The following CBFA2T3 variants were observed in gnomAD, a reference collection of about 807,000 sequenced individuals.
The protein encoded by CBFA2T3 is CBFA2/RUNX1 partner transcriptional co-repressor 3.
A neutral mutation model predicts 58.6 loss-of-function variants in CBFA2T3; 31 were observed. The observed-to-expected ratio is 0.53, with a 90% CI of 0.40 to 0.71. The LOEUF is 0.71. Among genes scored for constraint, CBFA2T3 ranks in the 30% least tolerant of loss-of-function variants. The pLI is 0.00. For missense variants in CBFA2T3, 1,076 were observed against 963.1 expected (o/e 1.12, Z -1.55); for synonymous variants, 531 against 421.9 (o/e 1.26, Z -3.17).
intron 1 of CBFA2T3, among the ~76,000 whole-genome samples, chr16:88,927,264 C>T (rs918407887): frequency 6.6e-6 from 1 of 152,192 alleles, no homozygotes; most frequent in African/African-American, 2.4e-5. Context: ...CGTGACAAGC[C>T]GGGTCCCGCC....
At chr16:88,888,741 C>T (rs74035883) in intron 5 of CBFA2T3, among the ~76,000 whole-genome samples, 6,533 of 151,682 alleles carry the variant, frequency 0.043, 441 homozygotes, top group African/African-American at 0.15. Flanking sequence ...TCCTCCTGGC[C>T]TCCCCCTAGA....
At chr16:88,900,064 C>G (rs1970040043) in intron 2 of CBFA2T3, among the ~76,000 whole-genome samples, 1 of 152,246 alleles carries the variant, frequency 6.6e-6, no homozygotes, top group South Asian at 2.1e-4. Context: ...AAACCGTGGC[C>G]AGCTCCGCAG....
In CBFA2T3 at chr16:88,955,903, C is replaced by T. The variant is rs530147161; in HGVS notation, c.151+20754G>A. Among the ~76,000 whole-genome samples, 21 of 149,314 alleles carry T rather than the reference C, an allele frequency of 1.4e-4. 1 individual carries two copies. The highest frequency in any genetic ancestry group is 1.1e-3 in the Admixed American group (16 of 15,160). On this transcript the variant is annotated intron_variant, in intron 1 of 11. Transcript: ENST00000268679. ...CCCAGCCAAGTCTCCTGACCCCGCCCAAGGCTCCTGACCCCAGCCAAGGCT... is the reference window on the plus strand; with the variant it reads ...CCCAGCCAAGTCTCCTGACCCCGCCTAAGGCTCCTGACCCCAGCCAAGGCT...
chr16:88,920,569 GCCA>G (rs1970879087), intron 1 of CBFA2T3, among the ~76,000 whole-genome samples: 1 of 152,098 alleles, frequency 6.6e-6, no homozygotes, highest in African/African-American at 2.4e-5. Flanking sequence ...ACAGGCGGAA[GCCA>G]CCACCCCTGG....
chr16:88,941,441 A>C (rs1386033146), intron 1 of CBFA2T3, among the ~76,000 whole-genome samples: 1 of 145,368 alleles, frequency 6.9e-6, no homozygotes, highest in Non-Finnish European at 1.5e-5. Context: ...CCCGGCGCCC[A>C]TGGCGCTCAG....
At chr16:88,961,460 G>A (rs901379287) in intron 1 of CBFA2T3, among the ~76,000 whole-genome samples, 18 of 146,030 alleles carry the variant, frequency 1.2e-4, no homozygotes, top group South Asian at 8.6e-4. Context: ...CATAGTAACC[G>A]ACAGTCAGCG....
At chr16:88,909,954 C>T (rs1597713758) in intron 1 of CBFA2T3, among the ~76,000 whole-genome samples, 2 of 152,312 alleles carry the variant, frequency 1.3e-5, no homozygotes, top group South Asian at 2.1e-4. Flanking sequence ...GACGAGCCAC[C>T]CTCCAACACA....
intron 1 of CBFA2T3, among the ~76,000 whole-genome samples, chr16:88,932,345 G>C (rs1386136802): frequency 6.6e-6 from 1 of 151,930 alleles, no homozygotes; most frequent in East Asian, 1.9e-4. Context: ...CCATAAAACA[G>C]CCTCTTAAGC....
At chr16:88,882,528 G>A (rs1969149328) in intron 8 of CBFA2T3, 148 bp downstream of exon 8, 8 of 650,884 alleles carry the variant, frequency 1.2e-5, no homozygotes, top group Non-Finnish European at 2.2e-5. Flanking sequence ...TGGCTTGTGT[G>A]GGCATGGCTG....
At chr16:88,913,999 C>G (rs1049244086) in intron 1 of CBFA2T3, among the ~76,000 whole-genome samples, 1 of 152,162 alleles carries the variant, frequency 6.6e-6, no homozygotes, top group Admixed American at 6.5e-5. Context: ...ACAGCTGCAC[C>G]GGCCACTTCC....
At chr16:88,903,667 G>A (rs1318703769) in intron 1 of CBFA2T3, among the ~76,000 whole-genome samples, 5 of 135,106 alleles carry the variant, frequency 3.7e-5, no homozygotes, top group Non-Finnish European at 8.1e-5. Context: ...GCTGGGGGGG[G>A]GGGCGTTCCT....
At chr16:88,963,773 G>A (rs921992738) in intron 1 of CBFA2T3, among the ~76,000 whole-genome samples, 10 of 152,234 alleles carry the variant, frequency 6.6e-5, no homozygotes, top group Non-Finnish European at 1.3e-4. Context: ...GGCACACAGC[G>A]GCCCGAGGAG....
In CBFA2T3 at chr16:88,886,155, G is replaced by A. The variant is rs751515746; in HGVS notation, c.712-13C>T. 2.6e-6 allele frequency: 4 copies of A among 1,520,466 alleles called. No homozygotes were observed. The highest frequency in any genetic ancestry group is 2.6e-6 in the Non-Finnish European group (3 of 1,139,778). The allele number at this position is 1,520,466 out of a possible 1,614,324, so 94.2% of individuals were successfully genotyped here. Reference sequence around the variant, plus strand: ...AGGGCAGGTTTGCCTGTGGGGTGGGGAAGGAGGGCCTGGGTAGCATGCAGG... The same window carrying A: ...AGGGCAGGTTTGCCTGTGGGGTGGGAAAGGAGGGCCTGGGTAGCATGCAGG... On this transcript the variant is annotated splice_polypyrimidine_tract_variant and intron_variant, in intron 5 of 11. Transcript: ENST00000268679.
chr16:88,932,657 G>C (rs1201681957), intron 1 of CBFA2T3, among the ~76,000 whole-genome samples: 1 of 149,764 alleles, frequency 6.7e-6, no homozygotes, highest in Non-Finnish European at 1.5e-5. Flanking sequence ...TAAGTAAAGG[G>C]AAAAAAGAGG....
At chr16:88,970,975 G>A (rs545135520) in intron 1 of CBFA2T3, among the ~76,000 whole-genome samples, 8 of 152,286 alleles carry the variant, frequency 5.3e-5, no homozygotes, top group Admixed American at 1.3e-4. Context: ...GCACAGGCAC[G>A]GGCTCGGGAG....
intron 1 of CBFA2T3, among the ~76,000 whole-genome samples, chr16:88,931,280 C>G (rs1971290922): frequency 6.6e-6 from 1 of 152,080 alleles, no homozygotes; most frequent in African/African-American, 2.4e-5. Context: ...GCTCTGTGAG[C>G]CTGGCTGTGC....
At chr16:88,930,331 CCCACAGCTGCATCGT>C (rs2142765090) in intron 1 of CBFA2T3, among the ~76,000 whole-genome samples, 1 of 150,658 alleles carries the variant, frequency 6.6e-6, no homozygotes, top group Non-Finnish European at 1.5e-5. Context: ...GCTACCAATA[CCCACAGCTGCATCGT>C]CCACGCAAAA....
chr16:88,911,156 C>T (rs780857796), intron 1 of CBFA2T3, among the ~76,000 whole-genome samples: 2 of 152,254 alleles, frequency 1.3e-5, no homozygotes, highest in African/African-American at 2.4e-5. Flanking sequence ...TGACCCAGGG[C>T]GGACCCTTCC....
intron 3 of CBFA2T3, among the ~76,000 whole-genome samples, chr16:88,894,504 C>T (rs1298524653): frequency 7.8e-6 from 1 of 128,364 alleles, no homozygotes; most frequent in Admixed American, 7.6e-5. Context: ...CATGCACACA[C>T]ACATGCACAC....
Sources: allele counts gnomAD v4.1 joint callset (sites outside exome capture counted in the v4.1 genomes callset), GRCh38; gene constraint gnomAD v4.1.1; transcripts MANE v1.5; gene names NCBI Gene and HGNC (gene_info 2026-07-23, HGNC 2026-07-21).